Variants in WNK1 observed in about 807,000 individuals in gnomAD.
The protein encoded by WNK1 is serine/threonine-protein kinase WNK1.
In WNK1, 38 loss-of-function variants were observed where a neutral mutation model predicts 222.8. The observed-to-expected ratio is 0.17, with a 90% CI of 0.13 to 0.22. The LOEUF is 0.22. Among genes scored for constraint, WNK1 ranks in the 10% least tolerant of loss-of-function variants. WNK1 has a pLI of 1.00. For synonymous variants in WNK1, 1,090 were observed against 1,092.9 expected (o/e 1.00, Z 0.05); for missense variants, 2,348 against 2,918.4 (o/e 0.80, Z 4.50).
chr12:900,694 C>G, intron 26 of WNK1, 24 bp downstream of exon 26: 1 of 1,613,836 alleles, frequency 6.2e-7, no homozygotes, highest in Non-Finnish European at 8.5e-7. Flanking sequence ...CATCATCGTC[C>G]AAAAACAATA....
At chr12:769,359 C>T (rs545543206) in intron 1 of WNK1, among the ~76,000 whole-genome samples, 5 of 151,968 alleles carry the variant, frequency 3.3e-5, no homozygotes, top group South Asian at 2.1e-4. Flanking sequence ...CCACCACGAC[C>T]GGCTAGTTTT....
In WNK1 at chr12:910,557, CTA is replaced by C. The variant is rs1284920565; in HGVS notation, c.*1767_*1768del. 1 of 152,146 alleles carries C rather than the reference CTA, an allele frequency of 6.6e-6. No individual in the cohort carries two copies. The highest frequency in any genetic ancestry group is 1.5e-5 in the Non-Finnish European group (1 of 68,026). 9.4% of individuals were successfully genotyped at this position (152,146 alleles called of 1,614,324 possible). On this transcript the variant is annotated 3_prime_UTR_variant, in exon 28 of 28. Coordinates refer to ENST00000315939, the MANE Select transcript of WNK1 (RefSeq NM_018979.4). ...TTTCCGGAAATACTGTCCTAACTGG[CTA>C]TGTTTAGGATCTTTGTTATCTCTGA... is the stretch of plus-strand genomic sequence containing the variant.
intron 4 of WNK1, among the ~76,000 whole-genome samples, chr12:855,402 T>C (rs894051515): frequency 6.6e-6 from 1 of 152,226 alleles, no homozygotes; most frequent in African/African-American, 2.4e-5. Context: ...TTCGGAATAA[T>C]ACAATGAGTA....
At chr12:869,152 C>G (rs770062146) in intron 8 of WNK1, 2 of 1,600,126 alleles carry the variant, frequency 1.2e-6, no homozygotes. Flanking sequence ...TACTTTGCAC[C>G]ATAACATTTA....
chr12:817,163 A>G (rs1028024082), intron 2 of WNK1, among the ~76,000 whole-genome samples: 2 of 152,178 alleles, frequency 1.3e-5, no homozygotes, highest in Non-Finnish European at 1.5e-5. Context: ...AGAGGATGAC[A>G]TAGTAGTGAG....
At chr12:842,230 T>A (rs1949680812) in intron 4 of WNK1, among the ~76,000 whole-genome samples, 1 of 152,194 alleles carries the variant, frequency 6.6e-6, no homozygotes, top group Non-Finnish European at 1.5e-5. Flanking sequence ...TAAAATGAAG[T>A]TGAATAGCAG....
chr12:814,288 C>G (rs529719142), intron 2 of WNK1, among the ~76,000 whole-genome samples: 23 of 149,104 alleles, frequency 1.5e-4, no homozygotes, highest in Non-Finnish European at 1.9e-4. Flanking sequence ...GAGATCACCT[C>G]ACTTCATTCC....
At chr12:880,668 T>C (rs1055983047) in intron 11 of WNK1, 53 bp from the exon 12 acceptor site, 2 of 1,587,434 alleles carry the variant, frequency 1.3e-6, no homozygotes, top group South Asian at 2.2e-5. Flanking sequence ...GCTGTTTTGC[T>C]AATTTATTGA....
rs1457188791 is a variant in WNK1 at position 827,308 on chromosome 12, C to A, written c.1153+46C>A. On this transcript the variant is annotated intron_variant, in intron 3 of 27. Transcript: ENST00000315939. The surrounding 1 kb of genome is among the most constrained non-coding windows in gnomAD (Gnocchi z 4.6). ...GGAGCCTGACTGGCTTTCTCACATT[C>A]CTTTTATTTAGAATCCTGGCTCTGT... 4 of 1,507,964 alleles carry A rather than the reference C, an allele frequency of 2.7e-6. No individual in the cohort carries two copies. Among genetic ancestry groups the A allele is most frequent in the Non-Finnish European group, 3.7e-6 (4 of 1,083,914 alleles). 93.4% of individuals were successfully genotyped at this position (1,507,964 alleles called of 1,614,324 possible).
rs1379444068 is a variant in WNK1, at chr12:752,620, A to G, written c.-946A>G. ...TTAGCGCGGAGAGTTTCCCGGGTGG[A>G]CGCGGCTCCTCTCTCGGCCACTCCG... is the stretch of plus-strand genomic sequence containing the variant. On this transcript the variant is annotated 5_prime_UTR_variant, in exon 1 of 28. Transcript: ENST00000315939. 1 of 152,226 alleles carries G rather than the reference A, an allele frequency of 6.6e-6. No homozygotes were observed. The highest frequency in any genetic ancestry group is 2.4e-5 in the African/African-American group (1 of 41,490). The allele number at this position is 152,226 out of a possible 1,614,324, so 9.4% of individuals were successfully genotyped here. A position where few individuals can be genotyped will look rare whatever the true frequency, so the allele number is the denominator to read the frequency against.
chr12:877,989 GAGTATTAA>G, intron 9 of WNK1: 1 of 575,558 alleles, frequency 1.7e-6, no homozygotes, highest in Non-Finnish European at 3.1e-6. Context: ...ATGGTAACTT[GAGTATTAA>G]AAGATTGGTT....
Position 885,948 on chromosome 12 carries a change from A to C in WNK1, c.5144A>C (p.Asn1715Thr). ...STTSTCLPPT[N>T]LPLGTVALPV... The stretch of plus-strand genomic sequence containing the variant: ...ACAAGTACTTGCTTACCACCAACCA[A>C]TTTACCACTAGGAACAGTTGCTTTG... The change falls in exon 19 of 28, where the codon AAT (asparagine) becomes ACT (threonine). Residue 1715 changes from asparagine (N) to threonine (T), a missense_variant. Physicochemically the swap from Asn to Thr is moderately conservative, Grantham distance 65. Transcript: ENST00000315939. 6.3e-7 allele frequency: 1 copy of C among 1,595,528 alleles called. No individual in the cohort carries two copies. The highest frequency in any genetic ancestry group is 8.5e-7 in the Non-Finnish European group (1 of 1,170,664).
chr12:893,440 A>G (rs1054794621), intron 22 of WNK1, among the ~76,000 whole-genome samples: 1 of 152,224 alleles, frequency 6.6e-6, no homozygotes, highest in African/African-American at 2.4e-5. Flanking sequence ...AAATCGCTCA[A>G]TGTTCTACTA....
chr12:756,001 A>C lies in WNK1; in HGVS notation c.759+1677A>C, dbSNP rs115968706. ...AAACAAACAAAAACAACAACAACAA[A>C]AAAACTTATGTCCGATTCCTTTTGG... On this transcript the variant is annotated intron_variant, in intron 1 of 27. Transcript: ENST00000315939. Among the ~76,000 whole-genome samples, 414 of 152,338 alleles carry C rather than the reference A, an allele frequency of 2.7e-3. 1 individual carries two copies. The highest frequency in any genetic ancestry group is 9.3e-3 in the African/African-American group (386 of 41,574).
chr12:808,622 C>T (rs1456552496), intron 1 of WNK1, among the ~76,000 whole-genome samples: 1 of 152,038 alleles, frequency 6.6e-6, no homozygotes, highest in Non-Finnish European at 1.5e-5. Flanking sequence ...TTTGTGCCCT[C>T]CAAAGAGAGG....
chr12:885,086 T>G lies in WNK1; in HGVS notation c.4282T>G (p.Ser1428Ala). The G allele has an allele frequency of 6.2e-7, 1 of 1,614,190 alleles. No individual in the cohort carries two copies. The highest frequency in any genetic ancestry group is 1.1e-5 in the South Asian group (1 of 91,088). Residue 1428 changes from serine to alanine, a missense_variant, in exon 19 of 28, where the codon TCC (serine) becomes GCC (alanine). Ser to Ala is a moderately conservative substitution (Grantham distance 99). Coordinates refer to ENST00000315939, the MANE Select transcript of WNK1 (RefSeq NM_018979.4). ...TGCAGTTGTCTCAATATCTACTACA[T>G]CCCCGTCACTTCAAGTCCCCACATC... is the stretch of plus-strand genomic sequence containing the variant. ...IPAVVSISTT[S>A]PSLQVPTSTS... is the part of the protein sequence containing the mutation.
intron 1 of WNK1, among the ~76,000 whole-genome samples, chr12:768,000 C>G (rs1375378966): frequency 6.6e-6 from 1 of 152,192 alleles, no homozygotes; most frequent in South Asian, 2.1e-4. Flanking sequence ...AAAAAGCCAC[C>G]AGCCATTAAT....
At position 887,225 on chromosome 12, in the gene WNK1, T is replaced by C. The variant is rs754563758; in HGVS notation, c.5285T>C (p.Leu1762Pro). ...TTTTCCCTTTGTTGTCTGTAGGTGCTGCCAGTGGGTACTGAACTTCCAGCA... is the reference window on the plus strand; with the variant it reads ...TTTTCCCTTTGTTGTCTGTAGGTGCCGCCAGTGGGTACTGAACTTCCAGCA... ...SKPPLTKAPV[L>P]PVGTELPAGT... The change falls in exon 20 of 28, where the codon CTG (leucine) becomes CCG (proline). Residue 1762 changes from leucine (L) to proline (P), a missense_variant. Physicochemically the swap from Leu to Pro is moderately conservative, Grantham distance 98. Coordinates refer to ENST00000315939, the MANE Select transcript of WNK1 (RefSeq NM_018979.4). The C allele has an allele frequency of 6.2e-7, 1 of 1,614,214 alleles. No homozygotes were observed. Among genetic ancestry groups the C allele is most frequent in the Non-Finnish European group, 8.5e-7 (1 of 1,180,020 alleles).
rs72650720 is a variant in WNK1, at chr12:883,483, G to A, written c.3578G>A (p.Ser1193Asn). The A allele has an allele frequency of 4.1e-4, 660 of 1,614,108 alleles. 1 individual carries two copies. Among genetic ancestry groups the A allele is most frequent in the Middle Eastern group, 1.2e-3 (7 of 6,062 alleles). Residue 1193 changes from serine to asparagine, a missense_variant, in exon 16 of 28, where the codon AGT (serine) becomes AAT (asparagine). Ser to Asn is a conservative substitution (Grantham distance 46, BLOSUM62 1). This residue lies in a region of WNK1 where 1,144 missense variants were observed against 1,273.6 expected (regional missense o/e 0.90). Transcript: ENST00000315939. ...EIIEKADEML[S>N]EDVSVEPEGD... Reference sequence around the variant, plus strand: ...ATTGAAAAAGCTGATGAAATGCTCAGTGAGGATGTCAGTGTGGAACCAGAG... The same window carrying A: ...ATTGAAAAAGCTGATGAAATGCTCAATGAGGATGTCAGTGTGGAACCAGAG...
Sources: allele counts gnomAD v4.1 joint callset (sites outside exome capture counted in the v4.1 genomes callset), GRCh38; gene constraint gnomAD v4.1.1; regional missense constraint gnomAD v4.1.1; non-coding constraint Gnocchi (gnomAD v3.1); transcripts MANE v1.5; gene names NCBI Gene and HGNC (gene_info 2026-07-23, HGNC 2026-07-21).